Variants in CNDP1 observed in about 807,000 individuals in gnomAD.
The protein encoded by CNDP1 is beta-Ala-His dipeptidase.
In CNDP1, 44 loss-of-function variants were observed where a neutral mutation model predicts 58.1. The observed-to-expected ratio is 0.76, with a 90% CI of 0.60 to 0.97. CNDP1 has a LOEUF of 0.97. Ranked by LOEUF, CNDP1 falls within the 50% of genes least tolerant of loss-of-function variation. The probability of loss-of-function intolerance (pLI) is 0.00; values close to 1 mark genes in which losing one functional copy is unlikely to be tolerated. For synonymous variants in CNDP1, 254 were observed against 252.6 expected (o/e 1.01, Z -0.05); for missense variants, 616 against 655.1 (o/e 0.94, Z 0.65).
rs12607796 is a variant in CNDP1, at chr18:74,559,304, T to A, written c.154-19T>A. On this transcript the variant is annotated intron_variant, in intron 2 of 11. Transcript: ENST00000358821. ...ATGTGGGACCCCAATGCTAATGGCCTGCTTGCTCTTCCTCCTAGACGCTGA... is the reference window on the plus strand; with the variant it reads ...ATGTGGGACCCCAATGCTAATGGCCAGCTTGCTCTTCCTCCTAGACGCTGA... 1.9e-6 allele frequency: 3 copies of A among 1,613,674 alleles called. No homozygotes were observed. Among genetic ancestry groups the A allele is most frequent in the Non-Finnish European group, 1.7e-6 (2 of 1,179,846 alleles).
At chr18:74,571,983 G>T (rs1312858372) in intron 7 of CNDP1, among the ~76,000 whole-genome samples, 1 of 152,174 alleles carries the variant, frequency 6.6e-6, no homozygotes, top group African/African-American at 2.4e-5. Context: ...ATGCAAAAAG[G>T]TGATGTGTGC....
chr18:74,550,374 CT>C (rs939233222), intron 1 of CNDP1, among the ~76,000 whole-genome samples: 2 of 152,300 alleles, frequency 1.3e-5, no homozygotes, highest in Admixed American at 6.5e-5. Flanking sequence ...GAGCCCCTTT[CT>C]TTTGACTGAT....
At chr18:74,544,439 G>T (rs1049884658) in intron 1 of CNDP1, among the ~76,000 whole-genome samples, 1 of 152,024 alleles carries the variant, frequency 6.6e-6, no homozygotes, top group African/African-American at 2.4e-5. Context: ...TAAGAAGGCC[G>T]GGCACGGTGA....
chr18:74,556,817 T>A (rs959459747), intron 2 of CNDP1, among the ~76,000 whole-genome samples: 1 of 152,250 alleles, frequency 6.6e-6, no homozygotes, highest in Non-Finnish European at 1.5e-5. Flanking sequence ...TGGGCAGAGC[T>A]GGGGAGCCAG....
At chr18:74,552,539 C>A (rs1599090027) in intron 1 of CNDP1, among the ~76,000 whole-genome samples, 1 of 152,182 alleles carries the variant, frequency 6.6e-6, no homozygotes, top group South Asian at 2.1e-4. Flanking sequence ...TGGTTTATTT[C>A]ACTTAGCACA....
At chr18:74,556,190 G>C in intron 1 of CNDP1, 148 bp from the exon 2 acceptor site, 1 of 817,294 alleles carries the variant, frequency 1.2e-6, no homozygotes, top group Non-Finnish European at 1.9e-6. Flanking sequence ...AAAAATACAT[G>C]TTTGGTTCTA....
At chr18:74,583,523 T>C (rs757706905) in intron 10 of CNDP1, 38 bp from the exon 11 acceptor site, 1 of 1,599,928 alleles carries the variant, frequency 6.3e-7, no homozygotes, top group South Asian at 1.1e-5. Flanking sequence ...GGTGTTCTTG[T>C]CCTTACCCTA....
At chr18:74,557,098 A>G (rs1981063248) in intron 2 of CNDP1, among the ~76,000 whole-genome samples, 1 of 151,726 alleles carries the variant, frequency 6.6e-6, no homozygotes, top group South Asian at 2.1e-4. Context: ...GTATTTTTTC[A>G]GTAGAGACGG....
At chr18:74,583,887 GC>G in intron 11 of CNDP1, 179 bp downstream of exon 11, 1 of 628,142 alleles carries the variant, frequency 1.6e-6, no homozygotes, top group Non-Finnish European at 2.7e-6. Flanking sequence ...TAGATCAGGT[GC>G]CAGGCCATTT....
At chr18:74,560,739 G>A (rs1981171152) in intron 3 of CNDP1, 117 bp from the exon 4 acceptor site, 8 of 942,860 alleles carry the variant, frequency 8.5e-6, no homozygotes, top group Non-Finnish European at 1.2e-5. Flanking sequence ...TTTAGAGATG[G>A]AGAAACTGAT....
At chr18:74,557,446 G>A (rs747020493) in intron 2 of CNDP1, among the ~76,000 whole-genome samples, 4 of 152,264 alleles carry the variant, frequency 2.6e-5, no homozygotes, top group Middle Eastern at 6.8e-3. Context: ...GAGGAGGAAT[G>A]GCAAAAAGAG....
chr18:74,538,986 C>T (rs1370518980), intron 1 of CNDP1, among the ~76,000 whole-genome samples: 2 of 152,066 alleles, frequency 1.3e-5, no homozygotes, highest in Non-Finnish European at 2.9e-5. Context: ...TGAACCTAAG[C>T]CCAGTTCTTA....
intron 10 of CNDP1, among the ~76,000 whole-genome samples, chr18:74,581,619 T>A (rs1981793368): frequency 6.6e-6 from 1 of 152,204 alleles, no homozygotes; most frequent in African/African-American, 2.4e-5. Flanking sequence ...ATTTGGAACT[T>A]CTTTGGTGGT....
At chr18:74,557,502 A>G (rs980841647) in intron 2 of CNDP1, among the ~76,000 whole-genome samples, 2 of 152,118 alleles carry the variant, frequency 1.3e-5, no homozygotes, top group African/African-American at 4.8e-5. Context: ...ATGGGAGAGC[A>G]GGAGCTTGCC....
chr18:74,577,401 CTG>C (rs1444603673), intron 8 of CNDP1: 1 of 162,642 alleles, frequency 6.1e-6, no homozygotes, highest in African/African-American at 2.4e-5. Context: ...AGACCTCTAA[CTG>C]TTCATTTTTC....
intron 1 of CNDP1, among the ~76,000 whole-genome samples, chr18:74,554,363 GA>G (rs1175173734): frequency 6.6e-6 from 1 of 152,188 alleles, no homozygotes; most frequent in Non-Finnish European, 1.5e-5. Context: ...GGGATGGATT[GA>G]CCCCAGGTGC....
chr18:74,571,935 G>C (rs922633390), intron 7 of CNDP1, among the ~76,000 whole-genome samples: 1 of 152,042 alleles, frequency 6.6e-6, no homozygotes, highest in African/African-American at 2.4e-5. Context: ...CATTTGTAAA[G>C]GGGCACAATC....
At chr18:74,571,074 GCCTA>G in intron 6 of CNDP1, 108 bp from the exon 7 acceptor site, 1 of 691,664 alleles carries the variant, frequency 1.4e-6, no homozygotes, top group South Asian at 1.8e-5. Flanking sequence ...TCTGGATGTT[GCCTA>G]CCTGAGTTCT....
chr18:74,571,811 T>C (rs1306596721), intron 7 of CNDP1, among the ~76,000 whole-genome samples: 2 of 152,192 alleles, frequency 1.3e-5, no homozygotes, highest in East Asian at 3.9e-4. Flanking sequence ...CAGACCAGCC[T>C]GCACCTTGTA....
Sources: gnomAD v4.1 joint callset for allele counts (sites outside exome capture counted in the v4.1 genomes callset) on GRCh38, gnomAD v4.1.1 for gene constraint, MANE v1.5 for transcripts, NCBI Gene and HGNC (gene_info 2026-07-23, HGNC 2026-07-21) for gene names.